INPP4B: variants seen among roughly 807,000 people sequenced by gnomAD.
INPP4B encodes the protein inositol polyphosphate-4-phosphatase type II B, also known as inositol polyphosphate 4-phosphatase type II.
INPP4B carries 55 observed loss-of-function variants against 122.5 expected under a neutral mutation model. That is an observed-to-expected ratio of 0.45 (90% CI 0.36 to 0.56). The LOEUF (loss-of-function observed/expected upper bound fraction) is 0.56. INPP4B is among the 20% of genes least tolerant of loss of function. INPP4B has a pLI of 0.00. For synonymous variants in INPP4B, 403 were observed against 388.7 expected (o/e 1.04, Z -0.43); for missense variants, 1,000 against 1,097.7 (o/e 0.91, Z 1.26).
intron 18 of INPP4B, among the ~76,000 whole-genome samples, chr4:142,135,758 C>T (rs1803789072): frequency 1.3e-5 from 2 of 151,526 alleles, no homozygotes; most frequent in African/African-American, 2.4e-5. Context: ...TTGCTCCAGA[C>T]CTGTCAGGGT....
At chr4:142,277,052 A>C (rs1748826979) in intron 9 of INPP4B, among the ~76,000 whole-genome samples, 1 of 151,628 alleles carries the variant, frequency 6.6e-6, no homozygotes, top group African/African-American at 2.4e-5. Context: ...TTGCATTGTG[A>C]TTTTGATTTG....
At chr4:142,193,584 T>A (rs1415514474) in intron 14 of INPP4B, among the ~76,000 whole-genome samples, 6 of 152,132 alleles carry the variant, frequency 3.9e-5, no homozygotes, top group Admixed American at 3.9e-4. Flanking sequence ...ACGAACAATC[T>A]TTCAACCAAA....
chr4:142,080,408 G>T (rs984341966), intron 25 of INPP4B, among the ~76,000 whole-genome samples: 1 of 152,056 alleles, frequency 6.6e-6, no homozygotes, highest in African/African-American at 2.4e-5. Context: ...CTCTGGCACG[G>T]TCCTCATATA....
At chr4:142,159,081 T>G (rs1398514286) in intron 17 of INPP4B, among the ~76,000 whole-genome samples, 1 of 151,970 alleles carries the variant, frequency 6.6e-6, no homozygotes, top group Non-Finnish European at 1.5e-5. Flanking sequence ...CATATAACAA[T>G]AATACTAAAG....
intron 21 of INPP4B, among the ~76,000 whole-genome samples, chr4:142,116,196 C>T (rs1347510810): frequency 2.0e-5 from 3 of 152,114 alleles, no homozygotes; most frequent in African/African-American, 7.2e-5. Flanking sequence ...GACTTAGACA[C>T]CCACACAATA....
At chr4:142,388,144 T>C (rs6854342) in intron 7 of INPP4B, among the ~76,000 whole-genome samples, 31,317 of 152,188 alleles carry the variant, frequency 0.21, 4,375 homozygotes, top group African/African-American at 0.4. Context: ...TTTGAAGATA[T>C]CTTGTATACT....
chr4:142,797,495 T>C (rs1030009079), intron 1 of INPP4B, among the ~76,000 whole-genome samples: 1 of 151,814 alleles, frequency 6.6e-6, no homozygotes, highest in Non-Finnish European at 1.5e-5. Flanking sequence ...AGAAAAGACA[T>C]AAAATATCTA....
At chr4:142,139,356 G>T (rs908637869) in intron 18 of INPP4B, among the ~76,000 whole-genome samples, 18 of 151,828 alleles carry the variant, frequency 1.2e-4, no homozygotes, top group Admixed American at 8.5e-4. Flanking sequence ...ACCCAGCCTG[G>T]AGTGCAATGG....
At chr4:142,224,287 T>A (rs532745161) in intron 12 of INPP4B, among the ~76,000 whole-genome samples, 2 of 152,302 alleles carry the variant, frequency 1.3e-5, no homozygotes, top group African/African-American at 4.8e-5. Flanking sequence ...AATCCTACTA[T>A]GTTTTGCATA....
At chr4:142,766,768 G>A (rs1772216421) in intron 1 of INPP4B, 1 of 152,146 alleles carries the variant, frequency 6.6e-6, no homozygotes, top group South Asian at 2.1e-4. Context: ...AACTGGAATA[G>A]GATTTAGAGA....
chr4:142,246,150 A>G (rs1172301768), intron 11 of INPP4B, among the ~76,000 whole-genome samples: 1 of 146,422 alleles, frequency 6.8e-6, no homozygotes, highest in South Asian at 2.1e-4. Context: ...ATATATACAT[A>G]TATGTGTTTT....
intron 2 of INPP4B, among the ~76,000 whole-genome samples, chr4:142,512,188 G>A (rs1243563327): frequency 6.6e-6 from 1 of 152,020 alleles, no homozygotes; most frequent in African/African-American, 2.4e-5. Flanking sequence ...TTCATATCTT[G>A]AAATAAAATC....
In INPP4B at chr4:142,325,231, A is replaced by C. The variant is rs534666125; in HGVS notation, c.373-10469T>G. Reference sequence around the variant, plus strand: ...AACCGAACTCCTTAATATCCAGAAAAGTTATTGGTAAGCTAAGAAATCTTC... The same window carrying C: ...AACCGAACTCCTTAATATCCAGAAACGTTATTGGTAAGCTAAGAAATCTTC... On this transcript the variant is annotated intron_variant, in intron 7 of 25. Coordinates refer to ENST00000262992, the MANE Select transcript of INPP4B (RefSeq NM_001101669.3). 7.2e-5 allele frequency among the ~76,000 whole-genome samples: 11 copies of C among 152,340 alleles called. No homozygotes were observed. The South Asian group carries it at 2.1e-3, about 29-fold the overall frequency.
chr4:142,308,628 C>G (rs935801932), intron 8 of INPP4B, among the ~76,000 whole-genome samples: 9 of 152,144 alleles, frequency 5.9e-5, no homozygotes, highest in African/African-American at 2.2e-4. Flanking sequence ...AGAGTCTTCT[C>G]TATAGCACAT....
At chr4:142,285,085 A>G (rs1484546634) in intron 9 of INPP4B, among the ~76,000 whole-genome samples, 3 of 152,040 alleles carry the variant, frequency 2.0e-5, no homozygotes, top group Non-Finnish European at 4.4e-5. Context: ...ACAGTCAAAG[A>G]GCAACTGGAG....
At chr4:142,744,610 C>G (rs903684754) in intron 1 of INPP4B, among the ~76,000 whole-genome samples, 2 of 151,648 alleles carry the variant, frequency 1.3e-5, no homozygotes, top group Non-Finnish European at 2.9e-5. Flanking sequence ...GGTAGGCAAG[C>G]TAACAATGAG....
chr4:142,751,966 C>A (rs993529369), intron 1 of INPP4B, among the ~76,000 whole-genome samples: 1 of 151,992 alleles, frequency 6.6e-6, no homozygotes, highest in African/African-American at 2.4e-5. Context: ...TTGTATACAA[C>A]CACTTTTTTA....
intron 7 of INPP4B, among the ~76,000 whole-genome samples, chr4:142,335,108 GAAAAAAAAAA>G (rs36074851): frequency 3.1e-5 from 2 of 65,130 alleles, no homozygotes; most frequent in East Asian, 5.0e-4. Context: ...TGGGAAAAAT[GAAAAAAAAAA>G]AAAAAAAAAA....
At chr4:142,033,308 A>G (rs889648793) in intron 25 of INPP4B, among the ~76,000 whole-genome samples, 42 of 152,262 alleles carry the variant, frequency 2.8e-4, no homozygotes, top group African/African-American at 8.4e-4. Context: ...AGTCAGGCAC[A>G]TTCCCCCTCC....
Sources: gnomAD v4.1 joint callset for allele counts (sites outside exome capture counted in the v4.1 genomes callset) on GRCh38, gnomAD v4.1.1 for gene constraint, MANE v1.5 for transcripts, NCBI Gene and HGNC (gene_info 2026-07-23, HGNC 2026-07-21) for gene names.